Variants in GNB1 observed in about 807,000 individuals in gnomAD.
GNB1 encodes the protein G protein subunit beta 1.
In GNB1, 2 loss-of-function variants were observed where a neutral mutation model predicts 42.9. That is an observed-to-expected ratio of 0.05 (90% CI 0.02 to 0.15). GNB1 has a LOEUF of 0.15. Among genes scored for constraint, GNB1 ranks in the 10% least tolerant of loss-of-function variants. The pLI is 1.00. For missense variants in GNB1, 193 were observed against 462.2 expected (o/e 0.42, Z 5.34); for synonymous variants, 183 against 174.7 (o/e 1.05, Z -0.38).
At chr1:1,794,080 G>C (rs1646516087) in intron 7 of GNB1, 1 of 152,226 alleles carries the variant, frequency 6.6e-6, no homozygotes, top group Non-Finnish European at 1.5e-5. Context: ...GCACAATTCT[G>C]TGTCTCTGAG....
chr1:1,809,288 C>T (rs185959828), intron 5 of GNB1, among the ~76,000 whole-genome samples: 12 of 150,552 alleles, frequency 8.0e-5, no homozygotes, highest in East Asian at 7.9e-4. Flanking sequence ...AATTCTCGTG[C>T]GTCAGCCTTC....
intron 1 of GNB1, among the ~76,000 whole-genome samples, chr1:1,856,150 C>A (rs1443454527): frequency 6.6e-6 from 1 of 152,084 alleles, no homozygotes; most frequent in Non-Finnish European, 1.5e-5. Context: ...GTCTCCTGAG[C>A]AGCCAGGACT....
chr1:1,823,536 A>T (rs760658874), intron 3 of GNB1, among the ~76,000 whole-genome samples: 5 of 152,198 alleles, frequency 3.3e-5, no homozygotes, highest in Admixed American at 6.5e-5. Flanking sequence ...AACACATTTG[A>T]TTAATTTTGG....
At chr1:1,862,416 A>G (rs193288637) in intron 1 of GNB1, among the ~76,000 whole-genome samples, 83 of 152,188 alleles carry the variant, frequency 5.5e-4, no homozygotes, top group African/African-American at 2.0e-3. Flanking sequence ...ACTGAGTGAG[A>G]CAATCAGTTT....
At position 1,861,501 on chromosome 1, in the gene GNB1, A is replaced by G. The variant is rs1022324873; in HGVS notation, c.-95-22263T>C. The stretch of plus-strand genomic sequence containing the variant: ...AATAAAAACCCAGCAGGAACTCAGT[A>G]ACTGCTTATTGAAAGGCATCCCTCA... On this transcript the variant is annotated intron_variant, in intron 1 of 11. Coordinates refer to ENST00000378609, the MANE Select transcript of GNB1 (RefSeq NM_002074.5). Among the ~76,000 whole-genome samples the G allele has an allele frequency of 4.6e-5, 7 of 152,034 alleles. No homozygotes were observed. In the South Asian group the frequency reaches 6.2e-4, roughly 13 times the overall value.
intron 2 of GNB1, among the ~76,000 whole-genome samples, chr1:1,836,326 T>A (rs564144868): frequency 6.6e-6 from 1 of 151,692 alleles, no homozygotes; most frequent in Non-Finnish European, 1.5e-5. Flanking sequence ...CAGTTTCTGG[T>A]AAAGTGTCTG....
intron 1 of GNB1, among the ~76,000 whole-genome samples, chr1:1,884,318 C>G (rs186877781): frequency 2.0e-5 from 3 of 152,150 alleles, no homozygotes; most frequent in African/African-American, 7.2e-5. Flanking sequence ...CCAGGCTGAT[C>G]CACCCTCCTC....
chr1:1,871,352 C>G (rs1197409713), intron 1 of GNB1, among the ~76,000 whole-genome samples: 1 of 152,096 alleles, frequency 6.6e-6, no homozygotes, highest in Non-Finnish European at 1.5e-5. Context: ...CTCAGCTACT[C>G]AAGAGGCTGA....
chr1:1,817,644 T>A (rs550387629), intron 4 of GNB1, 193 bp downstream of exon 4: 1 of 484,142 alleles, frequency 2.1e-6, no homozygotes, highest in South Asian at 3.4e-5. Context: ...GCTTGAGATA[T>A]CTCATTTTTA....
chr1:1,878,589 G>A (rs954598484), intron 1 of GNB1, among the ~76,000 whole-genome samples: 1 of 152,042 alleles, frequency 6.6e-6, no homozygotes, highest in Non-Finnish European at 1.5e-5. Flanking sequence ...AGACTCGTCC[G>A]CCATCTTTTT....
intron 1 of GNB1, among the ~76,000 whole-genome samples, chr1:1,853,890 T>C (rs1029844503): frequency 7.2e-5 from 11 of 152,162 alleles, no homozygotes; most frequent in African/African-American, 2.4e-4. Context: ...AGTCATATTA[T>C]ATAACAACAT....
intron 1 of GNB1, among the ~76,000 whole-genome samples, chr1:1,866,065 A>T (rs967900086): frequency 2.0e-5 from 3 of 152,022 alleles, no homozygotes; most frequent in African/African-American, 7.2e-5. Flanking sequence ...CAGCCTCCCA[A>T]GTAGCTGGGA....
intron 7 of GNB1, chr1:1,794,193 C>G (rs1473660004): frequency 6.6e-5 from 10 of 152,072 alleles, no homozygotes. Context: ...AAAGCAACAA[C>G]AAAAAATCAG....
intron 1 of GNB1, among the ~76,000 whole-genome samples, chr1:1,844,710 AC>A (rs1647525532): frequency 6.6e-6 from 1 of 152,224 alleles, no homozygotes; most frequent in South Asian, 2.1e-4. Context: ...ATTCTGAGAT[AC>A]CCAAACCAGA....
rs530635871 is a variant in GNB1 at position 1,888,315 on chromosome 1, G to C, written c.-96+2505C>G. On this transcript the variant is annotated intron_variant, in intron 1 of 11. Coordinates refer to ENST00000378609, the MANE Select transcript of GNB1 (RefSeq NM_002074.5). Reference sequence around the variant, plus strand: ...GGCCTGGGCAGTGCGCACTTAACTGGGAGGGGGCACAGGCACCTCAGAACT... The same window carrying C: ...GGCCTGGGCAGTGCGCACTTAACTGCGAGGGGGCACAGGCACCTCAGAACT... Among the ~76,000 whole-genome samples the C allele has an allele frequency of 1.4e-4, 22 of 151,818 alleles. No homozygotes were observed. In the South Asian group the frequency reaches 4.6e-3, roughly 32 times the overall value.
intron 1 of GNB1, among the ~76,000 whole-genome samples, chr1:1,880,585 CA>C (rs67566340): frequency 1.4e-5 from 2 of 145,448 alleles, no homozygotes; most frequent in African/African-American, 2.5e-5. Flanking sequence ...GACTCCATCT[CA>C]AAAAAAAAAT....
intron 1 of GNB1, among the ~76,000 whole-genome samples, chr1:1,890,064 C>T (rs899887951): frequency 3.9e-5 from 6 of 152,158 alleles, no homozygotes; most frequent in Non-Finnish European, 8.8e-5. Flanking sequence ...GCGCGGCCAC[C>T]GGGCCCATTC....
chr1:1,860,282 G>A (rs1030635007), intron 1 of GNB1, among the ~76,000 whole-genome samples: 2 of 152,054 alleles, frequency 1.3e-5, no homozygotes, highest in Admixed American at 6.6e-5. Flanking sequence ...TATTAGACAG[G>A]GGCATGATAG....
intron 1 of GNB1, among the ~76,000 whole-genome samples, chr1:1,854,737 T>C (rs1241480369): frequency 2.0e-5 from 3 of 152,198 alleles, no homozygotes; most frequent in Non-Finnish European, 2.9e-5. Flanking sequence ...TAAGACGTCA[T>C]GTCTTTAAAA....
Sources: allele counts gnomAD v4.1 joint callset (sites outside exome capture counted in the v4.1 genomes callset), GRCh38; gene constraint gnomAD v4.1.1; transcripts MANE v1.5; gene names NCBI Gene and HGNC (gene_info 2026-07-23, HGNC 2026-07-21).